AGA: variants seen among roughly 807,000 people sequenced by gnomAD.
AGA encodes N(4)-(beta-N-acetylglucosaminyl)-L-asparaginase.
In AGA, 31 loss-of-function variants were observed where a neutral mutation model predicts 40.1. The observed-to-expected ratio is 0.77, with a 90% CI of 0.58 to 1.04. The LOEUF is 1.04. Among genes scored for constraint, AGA ranks in the 50% least tolerant of loss-of-function variants. The probability of loss-of-function intolerance (pLI) is 0.00; values close to 1 mark genes in which losing one functional copy is unlikely to be tolerated. For synonymous variants in AGA, 148 were observed against 144.0 expected (o/e 1.03, Z -0.20); for missense variants, 445 against 435.4 (o/e 1.02, Z -0.20).
chr4:177,434,184 C>T (rs529579720), intron 7 of AGA, among the ~76,000 whole-genome samples, 198 bp downstream of exon 7: 8 of 151,926 alleles, frequency 5.3e-5, no homozygotes, highest in Admixed American at 2.0e-4. Flanking sequence ...TTAGTAGAAA[C>T]GGTCAGGAGT....
intron 2 of AGA, 28 bp from the exon 3 acceptor site, chr4:177,439,716 A>G: frequency 6.6e-7 from 1 of 1,507,618 alleles, no homozygotes. Context: ...GCAGTTAGGA[A>G]TTAAGGAGTT....
chr4:177,440,774 A>G (rs917507379), intron 1 of AGA, among the ~76,000 whole-genome samples: 2 of 152,156 alleles, frequency 1.3e-5, no homozygotes, highest in Non-Finnish European at 2.9e-5. Flanking sequence ...TAAAAAATCC[A>G]CTAAACCGCA....
chr4:177,431,837 G>C (rs1736645682), intron 8 of AGA, 29 bp from the exon 9 acceptor site: 1 of 1,558,274 alleles, frequency 6.4e-7, no homozygotes. Flanking sequence ...AAGAAGTTTG[G>C]TGAACTATAG....
At chr4:177,436,403 T>C in intron 5 of AGA, 52 bp from the exon 6 acceptor site, 1 of 1,414,712 alleles carries the variant, frequency 7.1e-7, no homozygotes, top group Non-Finnish European at 9.9e-7. Context: ...TTACCTCAAA[T>C]ATAACCAAAT....
intron 8 of AGA, among the ~76,000 whole-genome samples, chr4:177,432,254 C>T (rs1736656870): frequency 6.6e-6 from 1 of 152,106 alleles, no homozygotes; most frequent in South Asian, 2.1e-4. Flanking sequence ...TGTCAAGATG[C>T]TTTGTCTAAT....
At chr4:177,435,836 T>G (rs1384188289) in intron 6 of AGA, among the ~76,000 whole-genome samples, 1 of 103,776 alleles carries the variant, frequency 9.6e-6, no homozygotes, top group Non-Finnish European at 1.9e-5. Flanking sequence ...TCCAAGCCAG[T>G]AGTTCTGCGT....
In AGA at chr4:177,442,427, G is replaced by T. The variant is rs577874830; in HGVS notation, c.-52C>A. ...AGAAAAGTCCCGGCAGCCAGCGATC[G>T]CCGAACAATTAATCCCCAGTGCCCC... On this transcript the variant is annotated 5_prime_UTR_variant, in exon 1 of 9. Transcript: ENST00000264595. 1.7e-5 allele frequency: 28 copies of T among 1,612,272 alleles called. No homozygotes were observed. The highest frequency in any genetic ancestry group is 2.4e-5 in the Non-Finnish European group (28 of 1,179,296).
intron 6 of AGA, 67 bp downstream of exon 6, chr4:177,436,209 G>T: frequency 1.5e-6 from 2 of 1,336,728 alleles, no homozygotes; most frequent in Non-Finnish European, 2.1e-6. Context: ...AACCCCCATA[G>T]CACCCGGCAT....
intron 1 of AGA, among the ~76,000 whole-genome samples, chr4:177,440,650 GGT>G (rs1736969914): frequency 7.0e-6 from 1 of 143,782 alleles, no homozygotes; most frequent in African/African-American, 2.6e-5. Context: ...GCAAGCTGAA[GGT>G]TTTTTTTTTT....
Position 177,433,350 on chromosome 4 carries a change from G to C in AGA, c.807-3C>G. The C allele has an allele frequency of 6.2e-7, 1 of 1,613,958 alleles. No homozygotes were observed. Among genetic ancestry groups the C allele is most frequent in the East Asian group, 2.2e-5 (1 of 44,836 alleles). On this transcript the variant is annotated splice_region_variant and splice_polypyrimidine_tract_variant and intron_variant, in intron 7 of 8. Transcript: ENST00000264595. Reference sequence around the variant, plus strand: ...TCATGTATTCTACAGCTTGGTAGCTGATTGAAACAGAGGTGAAACCTTAGT... The same window carrying C: ...TCATGTATTCTACAGCTTGGTAGCTCATTGAAACAGAGGTGAAACCTTAGT...
At chr4:177,440,191 G>A in intron 2 of AGA, 82 bp downstream of exon 2, 2 of 1,512,712 alleles carry the variant, frequency 1.3e-6, no homozygotes, top group Non-Finnish European at 1.8e-6. Context: ...CAAAACTCAT[G>A]CATTCTTTCA....
chr4:177,437,918 A>C lies in AGA; in HGVS notation c.508-399T>G, dbSNP rs138796160. Among the ~76,000 whole-genome samples the C allele has an allele frequency of 6.7e-4, 102 of 152,332 alleles. 1 individual carries two copies. Among genetic ancestry groups the C allele is most frequent in the African/African-American group, 2.3e-3 (96 of 41,582 alleles). On this transcript the variant is annotated intron_variant, in intron 4 of 8. Transcript: ENST00000264595. ...CCTTGGCCAAAGAATTCTGAGACTT[A>C]AAGTAAAATATGTTTTAAAAGCTTT...
intron 6 of AGA, among the ~76,000 whole-genome samples, chr4:177,435,782 G>A (rs1310798445): frequency 6.7e-6 from 1 of 149,000 alleles, no homozygotes; most frequent in Non-Finnish European, 1.5e-5. Context: ...TGGGAGCCCT[G>A]AGCGTGCACG....
Position 177,431,695 on chromosome 4 carries a change from C to G in AGA, c.*13G>C, listed in dbSNP as rs1736640377. The G allele has an allele frequency of 6.3e-7, 1 of 1,589,536 alleles. No homozygotes were observed. The highest frequency in any genetic ancestry group is 8.6e-7 in the Non-Finnish European group (1 of 1,157,942). On this transcript the variant is annotated 3_prime_UTR_variant, in exon 9 of 9. Transcript: ENST00000264595. ...TTTCTTCTTTAAATACAGATGTTGA[C>G]AGTAAAGATGGATTAGATGCAGTCC...
chr4:177,440,956 G>C (rs1736984346), intron 1 of AGA, among the ~76,000 whole-genome samples: 1 of 152,124 alleles, frequency 6.6e-6, no homozygotes, highest in Non-Finnish European at 1.5e-5. Context: ...TCTGTGGTAG[G>C]TACTGTACAA....
intron 5 of AGA, among the ~76,000 whole-genome samples, chr4:177,436,797 CATT>C (rs138716104): frequency 0.01 from 1,576 of 152,284 alleles, 31 homozygotes; most frequent in African/African-American, 0.035. Context: ...AGGCAATTAA[CATT>C]ATTAATTATT....
At chr4:177,433,372 T>G in intron 7 of AGA, 25 bp from the exon 8 acceptor site, 1 of 1,613,866 alleles carries the variant, frequency 6.2e-7, no homozygotes, top group Non-Finnish European at 8.5e-7. Context: ...GGTGAAACCT[T>G]AGTGTCTCAG....
At chr4:177,442,200 C>G in intron 1 of AGA, 49 bp downstream of exon 1, 1 of 1,608,752 alleles carries the variant, frequency 6.2e-7, no homozygotes, top group South Asian at 1.1e-5. Context: ...GTCATCCCCA[C>G]CCGCAAGCTC....
chr4:177,441,988 G>A (rs1041187429), intron 1 of AGA, among the ~76,000 whole-genome samples: 14 of 152,366 alleles, frequency 9.2e-5, no homozygotes, highest in African/African-American at 3.1e-4. Context: ...CAGCAGGGTG[G>A]AAAATACATT....
Sources: gnomAD v4.1 joint callset for allele counts (sites outside exome capture counted in the v4.1 genomes callset) on GRCh38, gnomAD v4.1.1 for gene constraint, MANE v1.5 for transcripts, NCBI Gene and HGNC (gene_info 2026-07-23, HGNC 2026-07-21) for gene names.